Variants in PSD3 observed in about 807,000 individuals in gnomAD.
The protein encoded by PSD3 is PH and SEC7 domain-containing protein 3.
In PSD3, 49 loss-of-function variants were observed where a neutral mutation model predicts 105.5. That is an observed-to-expected ratio of 0.46 (90% CI 0.37 to 0.59). The LOEUF is 0.59. Ranked by LOEUF, PSD3 falls within the 20% of genes least tolerant of loss-of-function variation. The pLI, the probability that PSD3 is intolerant of heterozygous loss-of-function variation, is 0.00. For synonymous variants in PSD3, 557 were observed against 457.8 expected (o/e 1.22, Z -2.77); for missense variants, 1,561 against 1,263.8 (o/e 1.24, Z -3.57).
At chr8:18,918,756 AC>A (rs1034768603) in intron 2 of PSD3, among the ~76,000 whole-genome samples, 25 of 152,098 alleles carry the variant, frequency 1.6e-4, no homozygotes, top group African/African-American at 5.8e-4. Flanking sequence ...AGTTCCACCA[AC>A]CTGTCAAACT....
chr8:18,624,205 T>C (rs1806320762), intron 11 of PSD3, among the ~76,000 whole-genome samples: 2 of 152,134 alleles, frequency 1.3e-5, no homozygotes. Flanking sequence ...GAAGTACAAA[T>C]GATACCACTA....
At chr8:18,949,244 AATATATATAT>A (rs1215845074) in intron 1 of PSD3, among the ~76,000 whole-genome samples, 50 of 14,394 alleles carry the variant, frequency 3.5e-3, no homozygotes, top group African/African-American at 6.2e-3. Flanking sequence ...AAAAAAAAAA[AATATATATAT>A]ATATATATAT....
At chr8:18,629,140 G>C (rs1447120413) in intron 11 of PSD3, among the ~76,000 whole-genome samples, 2 of 151,890 alleles carry the variant, frequency 1.3e-5, no homozygotes, top group Admixed American at 1.3e-4. Context: ...AAACTAAAGT[G>C]GCTGTATTAA....
chr8:18,838,942 A>G (rs1814384127), intron 4 of PSD3, among the ~76,000 whole-genome samples: 1 of 151,934 alleles, frequency 6.6e-6, no homozygotes, highest in African/African-American at 2.4e-5. Flanking sequence ...TTTCTCAATC[A>G]TCTTAATTGG....
At chr8:18,600,215 G>A (rs1804335612) in intron 12 of PSD3, 149 bp downstream of exon 12, 1 of 709,266 alleles carries the variant, frequency 1.4e-6, no homozygotes, top group African/African-American at 1.8e-5. Context: ...GTTTATTTCT[G>A]GAATTCTCCG....
chr8:18,996,664 C>T (rs945596525), intron 1 of PSD3, among the ~76,000 whole-genome samples: 4 of 151,868 alleles, frequency 2.6e-5, no homozygotes, highest in Non-Finnish European at 5.9e-5. Flanking sequence ...GCTGTTACTT[C>T]CTGCATTTTT....
chr8:18,702,324 G>A (rs777954395), intron 9 of PSD3, among the ~76,000 whole-genome samples: 22 of 152,168 alleles, frequency 1.4e-4, no homozygotes, highest in Non-Finnish European at 8.8e-5. Flanking sequence ...ATGTACATAG[G>A]TAACCTACTT....
chr8:19,075,055 C>G (rs562367844), intron 1 of PSD3, among the ~76,000 whole-genome samples: 1 of 151,882 alleles, frequency 6.6e-6, no homozygotes, highest in Non-Finnish European at 1.5e-5. Flanking sequence ...AAGCAACTTT[C>G]CTGCCTCGGC....
intron 8 of PSD3, among the ~76,000 whole-genome samples, chr8:18,772,403 T>A (rs1352242460): frequency 6.6e-6 from 1 of 151,602 alleles, no homozygotes; most frequent in East Asian, 1.9e-4. Context: ...CTATTTTTTT[T>A]GATAGCAATG....
chr8:18,608,943 T>G (rs1351407120), intron 11 of PSD3, among the ~76,000 whole-genome samples: 4 of 152,214 alleles, frequency 2.6e-5, no homozygotes, highest in African/African-American at 7.2e-5. Flanking sequence ...CATCAAAATC[T>G]TGTCCTGTTT....
intron 1 of PSD3, among the ~76,000 whole-genome samples, chr8:18,962,021 G>A (rs916111013): frequency 1.7e-4 from 26 of 152,168 alleles, no homozygotes; most frequent in East Asian, 7.7e-4. Flanking sequence ...CGAGGCATGC[G>A]GATCACTTGA....
intron 9 of PSD3, among the ~76,000 whole-genome samples, chr8:18,655,886 A>C (rs1047556293): frequency 9.9e-5 from 15 of 152,218 alleles, no homozygotes; most frequent in African/African-American, 3.1e-4. Context: ...GAAACAAAGA[A>C]ACTTTCACAA....
chr8:18,803,520 C>A (rs1246250368), intron 6 of PSD3, among the ~76,000 whole-genome samples: 1 of 151,610 alleles, frequency 6.6e-6, no homozygotes, highest in Admixed American at 6.6e-5. Flanking sequence ...GCATTAATCA[C>A]AATAGCAAAA....
intron 10 of PSD3, among the ~76,000 whole-genome samples, chr8:18,645,621 T>C (rs1453110502): frequency 6.6e-6 from 1 of 152,236 alleles, no homozygotes; most frequent in Non-Finnish European, 1.5e-5. Context: ...ATTAGCATTA[T>C]TATTTTACCA....
At chr8:18,851,819 T>C (rs1000310934) in intron 4 of PSD3, among the ~76,000 whole-genome samples, 8 of 152,242 alleles carry the variant, frequency 5.3e-5, no homozygotes, top group Admixed American at 2.0e-4. Flanking sequence ...CTTGTGAGGA[T>C]AGACTAGAAA....
Position 18,762,829 on chromosome 8 carries a change from G to T in PSD3, c.2172+2620C>A, listed in dbSNP as rs979449446. ...TTCTCACACATTTAAATATGTCAAG[G>T]TCTATTTTTTCTTAACCCTTTCTCT... On this transcript the variant is annotated intron_variant, in intron 9 of 15. Coordinates refer to ENST00000327040, the MANE Select transcript of PSD3 (RefSeq NM_015310.4). 3.8e-6 allele frequency: 3 copies of T among 786,694 alleles called. No individual in the cohort carries two copies. In the African/African-American group the frequency reaches 5.5e-5, roughly 14 times the overall value. 48.7% of individuals were successfully genotyped at this position (786,694 alleles called of 1,614,324 possible). A position where few individuals can be genotyped will look rare whatever the true frequency, so the allele number is the denominator to read the frequency against.
intron 11 of PSD3, among the ~76,000 whole-genome samples, chr8:18,618,017 G>C (rs566451454): frequency 6.6e-6 from 1 of 152,252 alleles, no homozygotes; most frequent in East Asian, 1.9e-4. Context: ...GGTCCAGTAA[G>C]AGACATTTGA....
At chr8:18,615,127 C>G (rs1352136843) in intron 11 of PSD3, among the ~76,000 whole-genome samples, 1 of 151,998 alleles carries the variant, frequency 6.6e-6, no homozygotes, top group African/African-American at 2.4e-5. Flanking sequence ...TTAACTTCCT[C>G]GTAAAGCAAC....
intron 2 of PSD3, among the ~76,000 whole-genome samples, chr8:18,897,604 T>G (rs75708707): frequency 0.014 from 2,117 of 152,266 alleles, 85 homozygotes; most frequent in Admixed American, 0.09. Flanking sequence ...GTATGGCCAT[T>G]TTTACCATAT....
Sources: allele counts gnomAD v4.1 joint callset (sites outside exome capture counted in the v4.1 genomes callset), GRCh38; gene constraint gnomAD v4.1.1; transcripts MANE v1.5; gene names NCBI Gene and HGNC (gene_info 2026-07-23, HGNC 2026-07-21).